The following TBC1D16 variants were observed in gnomAD, a reference collection of about 807,000 sequenced individuals.
TBC1D16 encodes TBC1 domain family member 16.
A neutral mutation model predicts 74.7 loss-of-function variants in TBC1D16; 58 were observed. The ratio of observed to expected loss-of-function variants is 0.78; its 90% CI spans 0.63 to 0.97. The LOEUF (loss-of-function observed/expected upper bound fraction) is 0.97. Among genes scored for constraint, TBC1D16 ranks in the 50% least tolerant of loss-of-function variants. The pLI, the probability that TBC1D16 is intolerant of heterozygous loss-of-function variation, is 0.00. For missense variants in TBC1D16, 1,014 were observed against 1,079.5 expected (o/e 0.94, Z 0.85); for synonymous variants, 493 against 474.7 (o/e 1.04, Z -0.50).
At chr17:80,004,276 C>T (rs2035594992) in intron 3 of TBC1D16, among the ~76,000 whole-genome samples, 1 of 152,196 alleles carries the variant, frequency 6.6e-6, no homozygotes, top group South Asian at 2.1e-4. Flanking sequence ...CCTCAGGCCT[C>T]TTCACAGAGT....
In TBC1D16 at chr17:79,935,846, C is replaced by T; in HGVS notation, c.*5013G>A. ...ATGGTGGAAATTTCATGAAAATTTCCCCTAAACCATAACAAAAACTGTCCT... is the reference window on the plus strand; with the variant it reads ...ATGGTGGAAATTTCATGAAAATTTCTCCTAAACCATAACAAAAACTGTCCT... On this transcript the variant is annotated 3_prime_UTR_variant, in exon 12 of 12. Coordinates refer to ENST00000310924, the MANE Select transcript of TBC1D16 (RefSeq NM_019020.4). 6.6e-6 allele frequency: 1 copy of T among 152,092 alleles called. No homozygotes were observed. Among genetic ancestry groups the T allele is most frequent in the East Asian group, 1.9e-4 (1 of 5,192 alleles). 9.4% of individuals were successfully genotyped at this position (152,092 alleles called of 1,614,324 possible).
Position 79,944,298 on chromosome 17 carries a change from CAAAG to C in TBC1D16, c.1908+606_1908+609del, listed in dbSNP as rs991157067. 2.0e-5 allele frequency among the ~76,000 whole-genome samples: 3 copies of C among 152,254 alleles called. No individual in the cohort carries two copies. Among genetic ancestry groups the C allele is most frequent in the African/African-American group, 7.2e-5 (3 of 41,538 alleles). ...TTTTTTTTTAAAAGGCTGATGGACT[CAAAG>C]AGACTTGCTTATCTTTTGACATCTC... On this transcript the variant is annotated intron_variant, in intron 10 of 11. Coordinates refer to ENST00000310924, the MANE Select transcript of TBC1D16 (RefSeq NM_019020.4). This position sits in a 1 kb window ranked among gnomAD's most constrained non-coding sequence, Gnocchi z 7.7.
rs1198834543 is a variant in TBC1D16, at chr17:79,937,629, T to A, written c.*3230A>T. Reference sequence around the variant, plus strand: ...CTGTACTTGATCCATGACTTGTGAGTTCTGAGTCCTCAGGGCCGAGACTTG... The same window carrying A: ...CTGTACTTGATCCATGACTTGTGAGATCTGAGTCCTCAGGGCCGAGACTTG... On this transcript the variant is annotated 3_prime_UTR_variant, in exon 12 of 12. Transcript: ENST00000310924. 6.6e-6 allele frequency: 1 copy of A among 152,234 alleles called. No individual in the cohort carries two copies. Among genetic ancestry groups the A allele is most frequent in the East Asian group, 1.9e-4 (1 of 5,186 alleles). The allele number at this position is 152,234 out of a possible 1,614,324, so 9.4% of individuals were successfully genotyped here.
In TBC1D16 at chr17:79,986,909, G is replaced by A. The variant is rs1001434765; in HGVS notation, c.779+23251C>T. On this transcript the variant is annotated intron_variant, in intron 3 of 11. Transcript: ENST00000310924. The surrounding 1 kb of genome is among the most constrained non-coding windows in gnomAD (Gnocchi z 6.0). Reference sequence around the variant, plus strand: ...GGACTGCGGTCAGCCGTCCCCTCGCGCCCTCCGGTCTCTGCTGCTGTGTTT... The same window carrying A: ...GGACTGCGGTCAGCCGTCCCCTCGCACCCTCCGGTCTCTGCTGCTGTGTTT... 1.3e-5 allele frequency among the ~76,000 whole-genome samples: 2 copies of A among 152,246 alleles called. No individual in the cohort carries two copies. Among genetic ancestry groups the A allele is most frequent in the Admixed American group, 6.5e-5 (1 of 15,288 alleles).
At position 79,985,828 on chromosome 17, in the gene TBC1D16, A is replaced by C. The variant is rs2034814419; in HGVS notation, c.779+24332T>G. ...CTGCTGGCTCCCACCTCGCAGCCACAACTTCAATGCCCACAACAAACTGCC... is the reference window on the plus strand; with the variant it reads ...CTGCTGGCTCCCACCTCGCAGCCACCACTTCAATGCCCACAACAAACTGCC... On this transcript the variant is annotated intron_variant, in intron 3 of 11. Transcript: ENST00000310924. This position sits in a 1 kb window ranked among gnomAD's most constrained non-coding sequence, Gnocchi z 4.9. 6.6e-6 allele frequency among the ~76,000 whole-genome samples: 1 copy of C among 152,188 alleles called. No homozygotes were observed. The highest frequency in any genetic ancestry group is 2.4e-5 in the African/African-American group (1 of 41,442).
At chr17:79,947,857 G>T in intron 8 of TBC1D16, 26 bp from the exon 9 acceptor site, 2 of 1,603,290 alleles carry the variant, frequency 1.2e-6, no homozygotes, top group Non-Finnish European at 1.7e-6. Context: ...GACAGCAGTG[G>T]GTGGGGATGA....
Position 80,010,427 on chromosome 17 carries a change from T to C in TBC1D16, c.512A>G (p.Asp171Gly). Residue 171 changes from aspartate (D) to glycine (G), a missense_variant, in exon 3 of 12, where the codon GAT (aspartate) becomes GGT (glycine). Transcript: ENST00000310924. The surrounding 1 kb of genome is among the most constrained non-coding windows in gnomAD (Gnocchi z 8.8). ...AGGCTGCGAGGCTGGCTGGGCACCA[T>C]CCACCCCCAAGCCCTGCGCCAGCTT... The part of the protein sequence containing the change: ...EEKLAQGLGV[D>G]GAQPASQPAC... The C allele has an allele frequency of 6.2e-7, 1 of 1,610,364 alleles. No homozygotes were observed. Among genetic ancestry groups the C allele is most frequent in the Non-Finnish European group, 8.5e-7 (1 of 1,178,752 alleles).
Position 79,950,350 on chromosome 17 carries a change from C to A in TBC1D16, c.1257+61G>T, listed in dbSNP as rs903993528. The A allele has an allele frequency of 6.6e-7, 1 of 1,515,090 alleles. No homozygotes were observed. Among genetic ancestry groups the A allele is most frequent in the Non-Finnish European group, 8.8e-7 (1 of 1,136,452 alleles). The allele number at this position is 1,515,090 out of a possible 1,614,324, so 93.9% of individuals were successfully genotyped here. ...CCAGGCCCCGGCCCTCCTTCCCTCT[C>A]GCTCGTTCCCGGTTCCCGGCCGGCT... is the stretch of plus-strand genomic sequence containing the variant. On this transcript the variant is annotated intron_variant, in intron 6 of 11. Coordinates refer to ENST00000310924, the MANE Select transcript of TBC1D16 (RefSeq NM_019020.4). This position sits in a 1 kb window ranked among gnomAD's most constrained non-coding sequence, Gnocchi z 4.6.
chr17:80,013,758 T>A, intron 1 of TBC1D16, 149 bp from the exon 2 acceptor site: 2 of 470,344 alleles, frequency 4.3e-6, no homozygotes, highest in East Asian at 7.2e-5. Flanking sequence ...TAGGCCACGT[T>A]CTCCATCTTG....
chr17:79,977,079 C>T (rs549149303), intron 3 of TBC1D16, among the ~76,000 whole-genome samples: 4 of 152,296 alleles, frequency 2.6e-5, no homozygotes, highest in African/African-American at 9.6e-5. Flanking sequence ...ATCTCTGTTG[C>T]CCATGAATTC....
chr17:80,013,678 C>G, intron 1 of TBC1D16, 69 bp from the exon 2 acceptor site: 1 of 973,954 alleles, frequency 1.0e-6, no homozygotes, highest in Non-Finnish European at 1.5e-6. Flanking sequence ...CAGTACGTGT[C>G]GCCTCGGCAC....
chr17:80,021,260 AAAAC>A (rs141088255), intron 1 of TBC1D16, among the ~76,000 whole-genome samples: 2 of 148,604 alleles, frequency 1.3e-5, no homozygotes, highest in Admixed American at 1.3e-4. Flanking sequence ...TCAAAAAACA[AAAAC>A]AAACAAACAA....
intron 1 of TBC1D16, among the ~76,000 whole-genome samples, chr17:80,024,683 C>T (rs2036481389): frequency 1.0e-3 from 2 of 1,990 alleles, no homozygotes; most frequent in Admixed American, 0.014. Context: ...GACACACATG[C>T]CATAGACACA....
rs1321398197 is a variant in TBC1D16 at position 79,937,085 on chromosome 17, G to C, written c.*3774C>G. 3 of 151,950 alleles carry C rather than the reference G, an allele frequency of 2.0e-5. No individual in the cohort carries two copies. The highest frequency in any genetic ancestry group is 6.6e-5 in the Admixed American group (1 of 15,264). The allele number at this position is 151,950 out of a possible 1,614,324, so 9.4% of individuals were successfully genotyped here. ...TGGCACCCCCAGCAACCCCCTCCAA[G>C]GGTGGAGCCTTGGCACCCCCAGCCC... is the stretch of plus-strand genomic sequence containing the variant. On this transcript the variant is annotated 3_prime_UTR_variant, in exon 12 of 12. Transcript: ENST00000310924.
In TBC1D16 at chr17:79,985,917, C is replaced by T. The variant is rs773574570; in HGVS notation, c.779+24243G>A. Among the ~76,000 whole-genome samples the T allele has an allele frequency of 3.3e-5, 5 of 152,156 alleles. No individual in the cohort carries two copies. Among genetic ancestry groups the T allele is most frequent in the African/African-American group, 7.2e-5 (3 of 41,426 alleles). ...GCCCTCTGCTACTACCAAACTCTCC[C>T]GGCAAAGCTTAATTTAAATAAGAAA... is the stretch of plus-strand genomic sequence containing the variant. On this transcript the variant is annotated intron_variant, in intron 3 of 11. Transcript: ENST00000310924. The surrounding 1 kb of genome is among the most constrained non-coding windows in gnomAD (Gnocchi z 4.9).
intron 3 of TBC1D16, among the ~76,000 whole-genome samples, chr17:80,004,487 A>C (rs141110426): frequency 1.2e-3 from 179 of 152,196 alleles, no homozygotes; most frequent in African/African-American, 3.7e-3. Context: ...TCCTCATATA[A>C]AAAAAAGTGG....
intron 4 of TBC1D16, chr17:79,951,944 C>A: frequency 5.1e-6 from 1 of 197,944 alleles, no homozygotes; most frequent in Admixed American, 5.7e-5. Flanking sequence ...CAGTTCTGAG[C>A]CCTGGCAGGC....
chr17:79,971,318 C>T lies in TBC1D16; in HGVS notation c.780-18500G>A, dbSNP rs944187249. Among the ~76,000 whole-genome samples the T allele has an allele frequency of 1.3e-5, 2 of 152,172 alleles. No homozygotes were observed. Among genetic ancestry groups the T allele is most frequent in the South Asian group, 2.1e-4 (1 of 4,832 alleles). ...CATTACAGGTGTGAGGCACCGCACC[C>T]GGCCCACACTCCCAGTATTTTTTAA... is the stretch of plus-strand genomic sequence containing the variant. On this transcript the variant is annotated intron_variant, in intron 3 of 11. Coordinates refer to ENST00000310924, the MANE Select transcript of TBC1D16 (RefSeq NM_019020.4). The surrounding 1 kb of genome is among the most constrained non-coding windows in gnomAD (Gnocchi z 4.6).
chr17:79,998,091 C>T (rs930460244), intron 3 of TBC1D16, among the ~76,000 whole-genome samples: 1 of 132,844 alleles, frequency 7.5e-6, no homozygotes, highest in Non-Finnish European at 1.5e-5. Context: ...TGCCATTGCA[C>T]TTCAGCTTGG....
Sources: allele counts gnomAD v4.1 joint callset (sites outside exome capture counted in the v4.1 genomes callset), GRCh38; gene constraint gnomAD v4.1.1; non-coding constraint Gnocchi (gnomAD v3.1); transcripts MANE v1.5; gene names NCBI Gene and HGNC (gene_info 2026-07-23, HGNC 2026-07-21).